PLEKHG4B: variants seen among roughly 807,000 people sequenced by gnomAD.
The protein encoded by PLEKHG4B is pleckstrin homology and RhoGEF domain containing G4B, also known as pleckstrin homology domain-containing family G member 4B.
Under a neutral mutation model 121.3 loss-of-function variants are expected in PLEKHG4B, and 111 were observed. The ratio of observed to expected loss-of-function variants is 0.92; its 90% confidence interval spans 0.78 to 1.07. PLEKHG4B has a LOEUF of 1.07. Among genes scored for constraint, PLEKHG4B ranks in the 50% least tolerant of loss-of-function variants. PLEKHG4B has a pLI of 0.00. For synonymous variants in PLEKHG4B, 738 were observed against 725.0 expected (o/e 1.02, Z -0.29); for missense variants, 1,831 against 1,757.8 (o/e 1.04, Z -0.74).
Position 162,095 on chromosome 5 carries a change from C to T in PLEKHG4B, c.2649+151C>T, listed in dbSNP as rs759481950. 1.8e-4 allele frequency: 184 copies of T among 1,043,900 alleles called. 1 individual carries two copies. Among genetic ancestry groups the T allele is most frequent in the South Asian group, 3.7e-4 (22 of 59,166 alleles). The allele number at this position is 1,043,900 out of a possible 1,614,324, so 64.7% of individuals were successfully genotyped here. A position where few individuals can be genotyped will look rare whatever the true frequency, so the allele number is the denominator to read the frequency against. ...GGAGCCCCCCTGGCCACTGCGCCCA[C>T]GGCTCTCTGGAGAAGGCTCTGAGCC... is the stretch of plus-strand genomic sequence containing the variant. On this transcript the variant is annotated intron_variant, in intron 12 of 19. Coordinates refer to ENST00000637938, the MANE Select transcript of PLEKHG4B (RefSeq NM_052909.5).
intron 3 of PLEKHG4B, among the ~76,000 whole-genome samples, chr5:141,955 A>G (rs370316442): frequency 2.6e-4 from 39 of 152,246 alleles, no homozygotes; most frequent in African/African-American, 8.2e-4. Context: ...CTCGGAGGCA[A>G]TGGCACCACA....
intron 13 of PLEKHG4B, among the ~76,000 whole-genome samples, chr5:165,219 C>G (rs1379224733): frequency 5.1e-5 from 2 of 39,390 alleles, no homozygotes; most frequent in African/African-American, 1.0e-4. Flanking sequence ...CACTAATGCT[C>G]TGACGGGGCG....
intron 2 of PLEKHG4B, among the ~76,000 whole-genome samples, chr5:136,730 G>A (rs1579273076): frequency 6.6e-6 from 1 of 152,202 alleles, no homozygotes; most frequent in Admixed American, 6.5e-5. Context: ...TGCTTGGAAC[G>A]ATGTGGAGAA....
chr5:158,343 C>T (rs1436001861), intron 11 of PLEKHG4B, among the ~76,000 whole-genome samples: 5 of 139,472 alleles, frequency 3.6e-5, no homozygotes, highest in African/African-American at 1.4e-4. Context: ...CTGGGGGTCT[C>T]CTCCATCTCC....
Position 162,935 on chromosome 5 carries a change from G to C in PLEKHG4B, c.2863G>C (p.Glu955Gln). 1 of 1,555,322 alleles carries C rather than the reference G, an allele frequency of 6.4e-7. No individual in the cohort carries two copies. Among genetic ancestry groups the C allele is most frequent in the Non-Finnish European group, 8.7e-7 (1 of 1,150,950 alleles). ...LQYPQTRLRL[E>Q]EALSEAAPDP... ...GTACCCCCAGACCCGGCTCCGTCTG[G>C]AAGAGGCCCTTTCTGAGGCTGCCCC... The change falls in exon 13 of 20, where the codon GAA becomes CAA. Residue 955 changes from glutamate to glutamine, a missense_variant. Transcript: ENST00000637938.
intron 7 of PLEKHG4B, 24 bp from the exon 8 acceptor site, chr5:154,850 AC>A: frequency 1.3e-6 from 2 of 1,579,416 alleles, no homozygotes; most frequent in Non-Finnish European, 8.7e-7. Context: ...TGGAGCCATG[AC>A]CAACGAGTGC....
intron 11 of PLEKHG4B, among the ~76,000 whole-genome samples, chr5:161,200 G>T (rs367667524): frequency 3.3e-5 from 5 of 152,350 alleles, no homozygotes; most frequent in African/African-American, 1.2e-4. Flanking sequence ...AGCCACAGGC[G>T]CTCCGTCCAG....
Position 159,625 on chromosome 5 carries a change from G to C in PLEKHG4B, c.2488-2158G>C, listed in dbSNP as rs1312531278. ...TCTGCACAGTCTGTGGCTTCTGTGG[G>C]TTTGTTCTGGCGCCAGAGGCTTTCC... On this transcript the variant is annotated intron_variant, in intron 11 of 19. Transcript: ENST00000637938. The surrounding 1 kb of genome is among the most constrained non-coding windows in gnomAD (Gnocchi z 5.5). 6.6e-6 allele frequency among the ~76,000 whole-genome samples: 1 copy of C among 152,202 alleles called. No individual in the cohort carries two copies. The highest frequency in any genetic ancestry group is 2.4e-5 in the African/African-American group (1 of 41,438).
chr5:107,161 G>T (rs116802776), intron 1 of PLEKHG4B, among the ~76,000 whole-genome samples: 3,307 of 152,324 alleles, frequency 0.022, 67 homozygotes, highest in Non-Finnish European at 0.032. Context: ...TCCAGGTCCT[G>T]CCCATCTCTG....
At chr5:136,340 T>G (rs143731862) in intron 2 of PLEKHG4B, among the ~76,000 whole-genome samples, 9 of 152,112 alleles carry the variant, frequency 5.9e-5, no homozygotes, top group Non-Finnish European at 1.3e-4. Flanking sequence ...TTTAAAAGGG[T>G]ACTATTGCAT....
chr5:97,955 A>AT, intron 1 of PLEKHG4B, among the ~76,000 whole-genome samples: 1 of 151,844 alleles, frequency 6.6e-6, no homozygotes, highest in Non-Finnish European at 1.5e-5. Context: ...GTTCTTTTAT[A>AT]TTTTTTACAT....
chr5:144,235 C>T (rs1334216381), intron 5 of PLEKHG4B: 1 of 152,450 alleles, frequency 6.6e-6, no homozygotes, highest in Non-Finnish European at 1.5e-5. Context: ...TATCAACTCA[C>T]CCCACCTACC....
In PLEKHG4B at chr5:140,400, C is replaced by A. The variant is rs114802314; in HGVS notation, c.1161C>A (p.Asp387Glu). The change falls in exon 3 of 20, where the codon GAC becomes GAA. Residue 387 changes from aspartate (D) to glutamate (E), a missense_variant. By Grantham distance (45) the Asp-to-Glu change is conservative. Transcript: ENST00000637938. ...ACSSLTGASR[D>E]LGTGAVASGT... ...GCTCCCTGACTGGAGCCAGCAGGGA[C>A]CTGGGGACTGGGGCAGTAGCCAGTG... The A allele has an allele frequency of 1.6e-4, 244 of 1,554,258 alleles. 2 individuals carry two copies. The East Asian group carries it at 5.3e-3, about 34-fold the overall frequency.
rs1734216646 is a variant in PLEKHG4B at position 113,427 on chromosome 5, G to T, written c.222G>T (p.Gln74His). ...TCCTCCCAGCCAAGAGGGCCCTGCA[G>T]CACCTGCAGCAGGAAGCCTGTGTGA... Reference protein sequence around the residue: ...SFLLPAKRALQHLQQEACARY... With the variant: ...SFLLPAKRALHHLQQEACARY... Residue 74 changes from glutamine (Q) to histidine (H), a missense_variant, in exon 2 of 20, where the codon CAG becomes CAT. Physicochemically the swap from Gln to His is conservative, Grantham distance 24 (BLOSUM62 0). Transcript: ENST00000637938. This position sits in a 1 kb window ranked among gnomAD's most constrained non-coding sequence, Gnocchi z 5.2. The T allele has an allele frequency of 5.0e-6, 2 of 399,108 alleles. No homozygotes were observed. The highest frequency in any genetic ancestry group is 8.8e-6 in the Non-Finnish European group (2 of 226,112). 24.7% of individuals were successfully genotyped at this position (399,108 alleles called of 1,614,324 possible). A position where few individuals can be genotyped will look rare whatever the true frequency, so the allele number is the denominator to read the frequency against.
intron 1 of PLEKHG4B, among the ~76,000 whole-genome samples, chr5:101,171 C>T (rs1733796629): frequency 8.2e-6 from 1 of 122,578 alleles, no homozygotes; most frequent in Non-Finnish European, 1.6e-5. Flanking sequence ...TGAGGTTAAT[C>T]CATATAAAGC....
At chr5:102,510 T>A (rs1720305952) in intron 1 of PLEKHG4B, among the ~76,000 whole-genome samples, 1 of 151,962 alleles carries the variant, frequency 6.6e-6, no homozygotes, top group African/African-American at 2.4e-5. Context: ...GTGCTGTGGG[T>A]GAGTATTCTC....
chr5:164,659 AGCTCACACTAATACTCTGACAGGGG>A (rs1736204941), intron 13 of PLEKHG4B, among the ~76,000 whole-genome samples: 2 of 106,498 alleles, frequency 1.9e-5, no homozygotes, highest in Admixed American at 2.1e-4. Context: ...TGACGGGCGG[AGCTCACACTAATACTCTGACAGGGG>A]GCGGAGCTCA....
rs529984490 is a variant in PLEKHG4B, at chr5:184,991, C to G, written c.*2668C>G. ...TGGCTGGGAGACGCTGGATGTGATA[C>G]GTGAAGTGAGGGGTATCACTTGAAG... On this transcript the variant is annotated 3_prime_UTR_variant, in exon 20 of 20. Transcript: ENST00000637938. The G allele has an allele frequency of 6.6e-6, 1 of 152,192 alleles. No individual in the cohort carries two copies. Among genetic ancestry groups the G allele is most frequent in the African/African-American group, 2.4e-5 (1 of 41,438 alleles). 9.4% of individuals were successfully genotyped at this position (152,192 alleles called of 1,614,324 possible).
chr5:132,722 C>T lies in PLEKHG4B; in HGVS notation c.244-6761C>T, dbSNP rs148639646. ...GGCTGTAAATATTTGGGTGTATTTC[C>T]GGGTTCTCTATTCTGTTCCATTGGT... On this transcript the variant is annotated intron_variant, in intron 2 of 19. Transcript: ENST00000637938. 8.3e-3 allele frequency among the ~76,000 whole-genome samples: 1,269 copies of T among 152,108 alleles called. 23 individuals are homozygous for T. Among genetic ancestry groups the T allele is most frequent in the African/African-American group, 0.029 (1,207 of 41,512 alleles).
Sources: gnomAD v4.1 joint callset for allele counts (sites outside exome capture counted in the v4.1 genomes callset) on GRCh38, gnomAD v4.1.1 for gene constraint, Gnocchi (gnomAD v3.1) non-coding constraint, MANE v1.5 for transcripts, NCBI Gene and HGNC (gene_info 2026-07-23, HGNC 2026-07-21) for gene names.